Variants in TP63 observed in about 807,000 individuals in gnomAD.
TP63 encodes tumor protein p63.
A neutral mutation model predicts 82.8 loss-of-function variants in TP63; 17 were observed. The ratio of observed to expected loss-of-function variants is 0.21; its 90% CI spans 0.14 to 0.31. The LOEUF is 0.31. TP63 is among the 10% of genes least tolerant of loss of function. The probability of loss-of-function intolerance (pLI) is 1.00; values close to 1 mark genes in which losing one functional copy is unlikely to be tolerated. For missense variants in TP63, 648 were observed against 895.3 expected (o/e 0.72, Z 3.52); for synonymous variants, 330 against 321.7 (o/e 1.03, Z -0.28).
At chr3:189,824,623 A>G (rs1222296753) in intron 4 of TP63, among the ~76,000 whole-genome samples, 3 of 152,120 alleles carry the variant, frequency 2.0e-5, no homozygotes, top group Non-Finnish European at 4.4e-5. Context: ...CTGCTGTCAC[A>G]CGGCACTGCC....
intron 4 of TP63, among the ~76,000 whole-genome samples, chr3:189,859,116 AT>A (rs1716683499): frequency 6.6e-6 from 1 of 152,140 alleles, no homozygotes; most frequent in African/African-American, 2.4e-5. Context: ...AGAAGGGAGG[AT>A]TTTGAATGTT....
intron 4 of TP63, among the ~76,000 whole-genome samples, chr3:189,851,754 C>A (rs1330900564): frequency 6.6e-6 from 1 of 151,976 alleles, no homozygotes. Context: ...GTGAAAATGG[C>A]CAAGCAGGCA....
chr3:189,840,849 T>C (rs1213567157), intron 4 of TP63, among the ~76,000 whole-genome samples: 1 of 97,202 alleles, frequency 1.0e-5, no homozygotes, highest in South Asian at 3.9e-4. Context: ...AGAGCAAGAC[T>C]CAGTCTCCAA....
At chr3:189,738,798 C>T (rs1311581179) in intron 3 of TP63, 24 bp downstream of exon 3, 1 of 1,613,366 alleles carries the variant, frequency 6.2e-7, no homozygotes, top group Non-Finnish European at 8.5e-7. Flanking sequence ...GCTTTCTCTT[C>T]AGTCTTTGGG....
chr3:189,671,343 T>A (rs1301235551), intron 1 of TP63, among the ~76,000 whole-genome samples: 1 of 152,062 alleles, frequency 6.6e-6, no homozygotes, highest in East Asian at 1.9e-4. Flanking sequence ...AGATATTATC[T>A]CACTCCGGTT....
intron 1 of TP63, among the ~76,000 whole-genome samples, chr3:189,657,668 T>C (rs1713503656): frequency 6.6e-6 from 1 of 152,116 alleles, no homozygotes; most frequent in Non-Finnish European, 1.5e-5. Flanking sequence ...TTACAACAGA[T>C]AAGCAATGAA....
chr3:189,649,519 T>C (rs1219158367), intron 1 of TP63, among the ~76,000 whole-genome samples: 2 of 146,634 alleles, frequency 1.4e-5, no homozygotes, highest in Non-Finnish European at 3.0e-5. Flanking sequence ...TAATAATTAA[T>C]GAGTGCTAGG....
At chr3:189,820,165 G>A (rs1728652981) in intron 4 of TP63, among the ~76,000 whole-genome samples, 1 of 152,180 alleles carries the variant, frequency 6.6e-6, no homozygotes, top group East Asian at 1.9e-4. Context: ...ACATAATTTA[G>A]CAAACATTAA....
chr3:189,604,832 C>A, the TP63 span, among the ~76,000 whole-genome samples: 3 of 152,100 alleles, frequency 2.0e-5, no homozygotes, highest in Non-Finnish European at 2.9e-5. Flanking sequence ...TTATTTGATT[C>A]TTTAAAAGTC....
chr3:189,828,981 C>T (rs545511774), intron 4 of TP63, among the ~76,000 whole-genome samples: 2 of 152,170 alleles, frequency 1.3e-5, no homozygotes, highest in East Asian at 1.9e-4. Flanking sequence ...TGTATTTGGC[C>T]TTTGACTCGT....
At chr3:189,785,204 CATCTCTCTGTAAA>C (rs1228159411) in intron 3 of TP63, among the ~76,000 whole-genome samples, 1 of 151,966 alleles carries the variant, frequency 6.6e-6, no homozygotes. Context: ...GATCAAAAGG[CATCTCTCTGTAAA>C]ATCTCTCTGT....
At chr3:189,712,025 A>T (rs922688001) in intron 1 of TP63, among the ~76,000 whole-genome samples, 1 of 152,224 alleles carries the variant, frequency 6.6e-6, no homozygotes, top group Non-Finnish European at 1.5e-5. Flanking sequence ...ACTCGAGTCA[A>T]CTTTCTTCTG....
rs116076953 is a variant in TP63 at position 189,763,253 on chromosome 3, G to A, written c.324+24479G>A. The stretch of plus-strand genomic sequence containing the variant: ...TGTGCCACTGCACTCTAGCATGACA[G>A]ACAGAGCAAGGCCCTGTCTCTAAAA... On this transcript the variant is annotated intron_variant, in intron 3 of 13. Transcript: ENST00000264731. Among the ~76,000 whole-genome samples the A allele has an allele frequency of 9.4e-3, 1,424 of 152,288 alleles. 7 individuals carry two copies. Among genetic ancestry groups the A allele is most frequent in the Non-Finnish European group, 0.014 (953 of 68,014 alleles).
intron 10 of TP63, among the ~76,000 whole-genome samples, chr3:189,877,504 C>T (rs1719371878): frequency 6.6e-6 from 1 of 152,182 alleles, no homozygotes. Flanking sequence ...TAGGCTAGCT[C>T]TTACTTTCCT....
intron 4 of TP63, among the ~76,000 whole-genome samples, chr3:189,826,720 G>A (rs764198819): frequency 6.6e-6 from 1 of 152,094 alleles, no homozygotes; most frequent in East Asian, 1.9e-4. Flanking sequence ...CTAAGAGGAC[G>A]CATAGCATGA....
At position 189,651,627 on chromosome 3, in the gene TP63, A is replaced by G. The variant is rs915524224; in HGVS notation, c.62+20050A>G. ...GCCCAAGCTGGCTGCAGAAATTTGC[A>G]TAAGTAACGAGGAGCCGAATGTTAA... On this transcript the variant is annotated intron_variant, in intron 1 of 13. Coordinates refer to ENST00000264731, the MANE Select transcript of TP63 (RefSeq NM_003722.5). Among the ~76,000 whole-genome samples the G allele has an allele frequency of 5.5e-5, 8 of 146,302 alleles. 1 individual carries two copies. The highest frequency in any genetic ancestry group is 1.8e-4 in the African/African-American group (7 of 38,876).
intron 3 of TP63, among the ~76,000 whole-genome samples, chr3:189,799,065 A>C (rs1179918377): frequency 6.6e-6 from 1 of 152,144 alleles, no homozygotes; most frequent in African/African-American, 2.4e-5. Context: ...CCTATAGTCT[A>C]ACAAGATTGA....
At chr3:189,678,367 GT>G (rs1312192893) in intron 1 of TP63, among the ~76,000 whole-genome samples, 3 of 151,686 alleles carry the variant, frequency 2.0e-5, no homozygotes, top group Non-Finnish European at 4.4e-5. Flanking sequence ...CCTAGTATAT[GT>G]TTTTGTTGAA....
chr3:189,748,036 T>C (rs12487895), intron 3 of TP63, among the ~76,000 whole-genome samples: 9,169 of 151,974 alleles, frequency 0.06, 370 homozygotes, highest in Admixed American at 0.13. Flanking sequence ...CAGACCAATA[T>C]AGAAACATGC....
Sources: gnomAD v4.1 joint callset for allele counts (sites outside exome capture counted in the v4.1 genomes callset) on GRCh38, gnomAD v4.1.1 for gene constraint, MANE v1.5 for transcripts, NCBI Gene and HGNC (gene_info 2026-07-23, HGNC 2026-07-21) for gene names.